Variants in PTGER3 observed in about 807,000 individuals in gnomAD.
PTGER3 encodes the protein prostaglandin E2 receptor EP3 subtype.
PTGER3 carries 22 observed loss-of-function variants against 34.7 expected under a neutral mutation model. That is an observed-to-expected ratio of 0.63 (90% CI 0.45 to 0.91). The LOEUF is 0.91. Ranked by LOEUF, PTGER3 falls within the 40% of genes least tolerant of loss-of-function variation. The pLI, the probability that PTGER3 is intolerant of heterozygous loss-of-function variation, is 0.00. For missense variants in PTGER3, 468 were observed against 519.4 expected, an observed-to-expected ratio of 0.90 and a Z score of 0.96; for synonymous variants, 241 against 230.1, an observed-to-expected ratio of 1.05 and a Z score of -0.43.
At chr1:70,931,375 C>G (rs1019886942) in intron 4 of PTGER3, among the ~76,000 whole-genome samples, 1 of 152,172 alleles carries the variant, frequency 6.6e-6, no homozygotes, top group East Asian at 1.9e-4. Flanking sequence ...GTCTGGAGGA[C>G]GTCTGCCCTC....
Position 70,974,342 on chromosome 1 carries a change from G to T in PTGER3, c.1124C>A (p.Pro375His), listed in dbSNP as rs5694. 1.3e-5 allele frequency: 18 copies of T among 1,429,878 alleles called. No homozygotes were observed. Among genetic ancestry groups the T allele is most frequent in the Non-Finnish European group, 1.7e-5 (17 of 1,012,346 alleles). 88.6% of individuals were successfully genotyped at this position (1,429,878 alleles called of 1,614,324 possible). The change falls in exon 3 of 4, where the codon CCC becomes CAC. Residue 375 changes from proline to histidine, a missense_variant. Around this residue, in one of 5 missense-constraint regions of PTGER3, gnomAD observed 57 missense variants for 43.8 expected, o/e 1.30. Coordinates refer to ENST00000306666, the MANE Select transcript of PTGER3 (RefSeq NM_198719.2). ...NNYASSSTSL[P>H]CQCSSTLMWS... ...CATCAAGGTTGAGGAACACTGGCAG[G>T]GTAAGGAGGTGGAGCTGGATGCATA...
rs1210244673 is a variant in PTGER3 at position 71,047,346 on chromosome 1, G to C, written c.232C>G (p.Arg78Gly). 18 of 1,608,240 alleles carry C rather than the reference G, an allele frequency of 1.1e-5. No individual in the cohort carries two copies. Among genetic ancestry groups the C allele is most frequent in the African/African-American group, 2.7e-5 (2 of 74,900 alleles). The stretch of plus-strand genomic sequence containing the variant: ...TTCTTGCGCTTGCTCTCCCGGCGCC[G>C]GTAGCTGCGCGACACGAGCAGCATG... ...LAMLLVSRSY[R>G]RRESKRKKSF... Residue 78 changes from arginine (R) to glycine (G), a missense_variant, in exon 1 of 4, where the codon CGG becomes GGG. Coordinates refer to ENST00000306666, the MANE Select transcript of PTGER3 (RefSeq NM_198719.2).
chr1:71,045,448 G>C (rs1199781710), intron 1 of PTGER3, among the ~76,000 whole-genome samples: 1 of 152,160 alleles, frequency 6.6e-6, no homozygotes, highest in Non-Finnish European at 1.5e-5. Context: ...TTATACCTTT[G>C]TAACAGTGAC....
At chr1:71,010,723 AG>A (rs1657364978) in intron 2 of PTGER3, 2 of 985,050 alleles carry the variant, frequency 2.0e-6, no homozygotes, top group African/African-American at 3.5e-5. Flanking sequence ...TCCAAAATTT[AG>A]ATTAGTAGAA....
intron 4 of PTGER3, chr1:70,852,899 A>G (rs1266182422): frequency 1.0e-5 from 16 of 1,594,652 alleles, no homozygotes; most frequent in Non-Finnish European, 1.4e-5. Context: ...CCAATAATAA[A>G]TGCACTGTTA....
chr1:70,974,127 A>G lies in PTGER3; in HGVS notation c.1169+170T>C, dbSNP rs553085205. ...CTCTTGGTTGGAGGAAACTTAAGTAAAGTTAAAAACAACAACTCCTCTAAG... is the reference window on the plus strand; with the variant it reads ...CTCTTGGTTGGAGGAAACTTAAGTAGAGTTAAAAACAACAACTCCTCTAAG... On this transcript the variant is annotated intron_variant, in intron 3 of 3. Coordinates refer to ENST00000306666, the MANE Select transcript of PTGER3 (RefSeq NM_198719.2). Among the ~76,000 whole-genome samples, 6 of 152,316 alleles carry G rather than the reference A, an allele frequency of 3.9e-5. No individual in the cohort carries two copies. The South Asian group carries it at 1.2e-3, about 32-fold the overall frequency.
intron 4 of PTGER3, among the ~76,000 whole-genome samples, chr1:70,907,966 T>C (rs2100373755): frequency 6.6e-6 from 1 of 152,308 alleles, no homozygotes; most frequent in Admixed American, 6.5e-5. Flanking sequence ...GGCCATCAGC[T>C]TGTGTAGACA....
intron 4 of PTGER3, among the ~76,000 whole-genome samples, chr1:70,902,376 A>G (rs950148452): frequency 2.6e-5 from 4 of 152,204 alleles, no homozygotes; most frequent in Admixed American, 2.6e-4. Flanking sequence ...CTGAAAAGGT[A>G]CCACATGTCT....
chr1:70,981,691 G>A (rs1654387987), intron 2 of PTGER3, among the ~76,000 whole-genome samples: 1 of 152,026 alleles, frequency 6.6e-6, no homozygotes, highest in Admixed American at 6.6e-5. Context: ...TTACAGGCAT[G>A]AGCCACTGTG....
chr1:70,989,230 A>C (rs1341267393), intron 2 of PTGER3, among the ~76,000 whole-genome samples: 1 of 152,180 alleles, frequency 6.6e-6, no homozygotes, highest in Non-Finnish European at 1.5e-5. Flanking sequence ...AAGTTGCTTA[A>C]ATTTTATAAA....
At chr1:70,995,225 A>T (rs919228776) in intron 2 of PTGER3, among the ~76,000 whole-genome samples, 1 of 152,220 alleles carries the variant, frequency 6.6e-6, no homozygotes, top group Non-Finnish European at 1.5e-5. Context: ...CACTAGAAAC[A>T]GAATTGTGAA....
chr1:70,903,205 G>T (rs1646877493), intron 4 of PTGER3, among the ~76,000 whole-genome samples: 1 of 152,168 alleles, frequency 6.6e-6, no homozygotes, highest in Non-Finnish European at 1.5e-5. Flanking sequence ...GGCAAGGAAT[G>T]AATTCTCTTC....
chr1:70,943,919 T>A (rs1440038415), intron 4 of PTGER3, among the ~76,000 whole-genome samples: 1 of 151,882 alleles, frequency 6.6e-6, no homozygotes, highest in Non-Finnish European at 1.5e-5. Context: ...TTTCGGTTCC[T>A]TATGAGGCCT....
rs1190040867 is a variant in PTGER3, at chr1:70,964,154, C to T, written c.1078-10365G>A. ...TTGCTCCAAGCCATTCAACAAGTCTCTAGGAAGTTCCATACTTTCCCGCAT... is the reference window on the plus strand; with the variant it reads ...TTGCTCCAAGCCATTCAACAAGTCTTTAGGAAGTTCCATACTTTCCCGCAT... On this transcript the variant is annotated intron_variant, in intron 2 of 3. Coordinates refer to the PTGER3 transcript ENST00000356595. Among the ~76,000 whole-genome samples the T allele has an allele frequency of 2.6e-5, 4 of 152,190 alleles. No homozygotes were observed. The South Asian group carries it at 6.2e-4, about 24-fold the overall frequency.
intron 4 of PTGER3, among the ~76,000 whole-genome samples, chr1:70,925,789 A>C (rs1046507876): frequency 6.6e-6 from 1 of 152,184 alleles, no homozygotes; most frequent in African/African-American, 2.4e-5. Context: ...GTAAAAGTGA[A>C]GGTAGATGAA....
rs984345943 is a variant in PTGER3, at chr1:70,964,979, C to T, written c.1078-11190G>A. 4.6e-5 allele frequency among the ~76,000 whole-genome samples: 7 copies of T among 152,016 alleles called. No individual in the cohort carries two copies. In the South Asian group the frequency reaches 8.3e-4, roughly 18 times the overall value. On this transcript the variant is annotated intron_variant, in intron 2 of 3. Coordinates refer to the PTGER3 transcript ENST00000356595. ...AACCAACAAATTAAACACAGAAAAACGTTTTCTAAAGGAAGGAGGTTTCTT... is the reference window on the plus strand; with the variant it reads ...AACCAACAAATTAAACACAGAAAAATGTTTTCTAAAGGAAGGAGGTTTCTT...
chr1:70,931,434 G>A (rs1648685001), intron 4 of PTGER3, among the ~76,000 whole-genome samples: 1 of 152,186 alleles, frequency 6.6e-6, no homozygotes, highest in African/African-American at 2.4e-5. Flanking sequence ...CTGTGTGGGG[G>A]CTCAGACTCC....
intron 4 of PTGER3, among the ~76,000 whole-genome samples, chr1:70,892,920 A>C (rs1646649453): frequency 6.6e-6 from 1 of 152,096 alleles, no homozygotes; most frequent in Non-Finnish European, 1.5e-5. Flanking sequence ...ACGTAAAATA[A>C]TACTGCATCT....
chr1:70,969,869 G>A (rs987053211), downstream of PTGER3, among the ~76,000 whole-genome samples: 15 of 152,290 alleles, frequency 9.8e-5, no homozygotes, highest in African/African-American at 3.4e-4. Context: ...AATACTTTCT[G>A]AGGATCTATC....
Sources: allele counts gnomAD v4.1 joint callset (sites outside exome capture counted in the v4.1 genomes callset), GRCh38; gene constraint gnomAD v4.1.1; regional missense constraint gnomAD v4.1.1; transcripts MANE v1.5; gene names NCBI Gene and HGNC (gene_info 2026-07-23, HGNC 2026-07-21).